Variants in OCA2 observed in about 807,000 individuals in gnomAD.
The protein encoded by OCA2 is OCA2 melanosomal transmembrane protein.
In OCA2, 77 loss-of-function variants were observed where a neutral mutation model predicts 100.2. The ratio of observed to expected loss-of-function variants is 0.77; its 90% CI spans 0.64 to 0.93. The LOEUF (loss-of-function observed/expected upper bound fraction) is 0.93, where lower values mean the gene tolerates loss of function less well. Ranked by LOEUF, OCA2 falls within the 40% of genes least tolerant of loss-of-function variation. The pLI, the probability that OCA2 is intolerant of heterozygous loss-of-function variation, is 0.00. For synonymous variants in OCA2, 432 were observed against 439.2 expected (o/e 0.98, Z 0.21); for missense variants, 1,062 against 1,089.1 (o/e 0.98, Z 0.35).
intron 12 of OCA2, among the ~76,000 whole-genome samples, chr15:27,985,720 T>C (rs1264683317): frequency 6.7e-6 from 1 of 149,252 alleles, no homozygotes; most frequent in African/African-American, 2.5e-5. Flanking sequence ...TGAGACAGAG[T>C]CTCACTCTGC....
At chr15:27,891,109 T>C (rs1266647913) in intron 19 of OCA2, among the ~76,000 whole-genome samples, 1 of 152,148 alleles carries the variant, frequency 6.6e-6, no homozygotes, top group African/African-American at 2.4e-5. Context: ...AGATTATTCC[T>C]TTCCCTATGA....
intron 18 of OCA2, among the ~76,000 whole-genome samples, chr15:27,942,459 G>A (rs1023202556): frequency 1.3e-5 from 2 of 151,914 alleles, no homozygotes; most frequent in South Asian, 2.1e-4. Context: ...GCAAATCCAG[G>A]AACAGAAAGT....
intron 4 of OCA2, among the ~76,000 whole-genome samples, chr15:28,025,500 A>G (rs1041751815): frequency 1.3e-5 from 2 of 152,160 alleles, no homozygotes; most frequent in African/African-American, 4.8e-5. Flanking sequence ...ATGACCCCCA[A>G]GGCCCTATGT....
the OCA2 span, among the ~76,000 whole-genome samples, chr15:27,737,299 A>G: frequency 2.6e-5 from 4 of 152,368 alleles, no homozygotes; most frequent in Admixed American, 2.0e-4. Context: ...GAAATTCATA[A>G]GAAACATTCA....
intron 18 of OCA2, among the ~76,000 whole-genome samples, chr15:27,933,650 C>G (rs1306613345): frequency 6.6e-6 from 1 of 152,116 alleles, no homozygotes; most frequent in African/African-American, 2.4e-5. Flanking sequence ...TTTTCTCTTG[C>G]AGGCCAGGGC....
chr15:28,091,619 T>C (rs535496834), intron 1 of OCA2, among the ~76,000 whole-genome samples: 3 of 152,246 alleles, frequency 2.0e-5, no homozygotes, highest in South Asian at 4.1e-4. Flanking sequence ...CAAAAATGTG[T>C]ACAATAACAT....
chr15:27,852,037 C>T (rs1327771396), intron 21 of OCA2, among the ~76,000 whole-genome samples: 1 of 152,196 alleles, frequency 6.6e-6, no homozygotes, highest in East Asian at 1.9e-4. Context: ...CCTGAGCCTG[C>T]TAACATTCAC....
intron 9 of OCA2, among the ~76,000 whole-genome samples, chr15:28,011,793 C>T (rs2042247308): frequency 6.6e-6 from 1 of 151,920 alleles, no homozygotes; most frequent in African/African-American, 2.4e-5. Context: ...TGGCACGCAC[C>T]TGTAGTTTTA....
chr15:27,856,035 C>T (rs914134423), intron 21 of OCA2, among the ~76,000 whole-genome samples: 7 of 152,180 alleles, frequency 4.6e-5, no homozygotes, highest in Admixed American at 2.0e-4. Context: ...TCTCTGATGG[C>T]TCTAGGGGAG....
At chr15:28,001,413 A>T (rs1349038388) in intron 9 of OCA2, among the ~76,000 whole-genome samples, 1 of 152,172 alleles carries the variant, frequency 6.6e-6, no homozygotes, top group Non-Finnish European at 1.5e-5. Flanking sequence ...TCCCACTTAT[A>T]TGAGGCCAAA....
At chr15:27,844,500 G>C (rs1348825569) in intron 23 of OCA2, among the ~76,000 whole-genome samples, 1 of 152,146 alleles carries the variant, frequency 6.6e-6, no homozygotes, top group Admixed American at 6.5e-5. Flanking sequence ...CTGTGTTATG[G>C]AGCTAATCCC....
intron 9 of OCA2, among the ~76,000 whole-genome samples, chr15:28,001,427 A>T (rs1202925646): frequency 1.3e-5 from 2 of 152,240 alleles, no homozygotes; most frequent in East Asian, 1.9e-4. Context: ...GGCCAAAGGG[A>T]GCTCTGGGGT....
At chr15:27,881,967 T>C (rs1251884384) in intron 19 of OCA2, among the ~76,000 whole-genome samples, 1 of 152,208 alleles carries the variant, frequency 6.6e-6, no homozygotes, top group Non-Finnish European at 1.5e-5. Context: ...GATCTTAGGG[T>C]GTCGATATGA....
intron 23 of OCA2, among the ~76,000 whole-genome samples, chr15:27,789,702 A>C (rs1367208413): frequency 1.3e-5 from 2 of 152,180 alleles, no homozygotes; most frequent in Non-Finnish European, 2.9e-5. Flanking sequence ...TTTTTATTTG[A>C]TTTTTAGCAA....
intron 23 of OCA2, among the ~76,000 whole-genome samples, chr15:27,807,825 T>A (rs897696015): frequency 6.6e-6 from 1 of 152,220 alleles, no homozygotes; most frequent in Non-Finnish European, 1.5e-5. Context: ...TCTGGTTACA[T>A]AACCTGGGCA....
At chr15:27,863,140 G>A (rs1289938890) in intron 21 of OCA2, among the ~76,000 whole-genome samples, 1 of 152,136 alleles carries the variant, frequency 6.6e-6, no homozygotes, top group Non-Finnish European at 1.5e-5. Flanking sequence ...CTGGGCAGGG[G>A]CAGAGGTGAC....
intron 23 of OCA2, among the ~76,000 whole-genome samples, chr15:27,809,646 G>A (rs938744061): frequency 6.6e-6 from 1 of 152,162 alleles, no homozygotes. Flanking sequence ...AAGACTCCCA[G>A]ATTTGACAAA....
intron 23 of OCA2, among the ~76,000 whole-genome samples, chr15:27,827,012 G>A (rs1287879236): frequency 1.3e-5 from 2 of 152,222 alleles, no homozygotes; most frequent in Non-Finnish European, 2.9e-5. Flanking sequence ...TCCCTTGAGT[G>A]GAGCAGCCTG....
intron 13 of OCA2, among the ~76,000 whole-genome samples, chr15:27,984,056 C>T (rs2041259945): frequency 6.6e-6 from 1 of 151,468 alleles, no homozygotes; most frequent in African/African-American, 2.4e-5. Context: ...CATAATCAAA[C>T]CAGGTAACTA....
Sources: gnomAD v4.1 joint callset for allele counts (sites outside exome capture counted in the v4.1 genomes callset) on GRCh38, gnomAD v4.1.1 for gene constraint, MANE v1.5 for transcripts, NCBI Gene and HGNC (gene_info 2026-07-23, HGNC 2026-07-21) for gene names.